The following TENM2 variants were observed in gnomAD, a reference collection of about 807,000 sequenced individuals.
TENM2 encodes the protein teneurin transmembrane protein 2.
TENM2 carries 52 observed loss-of-function variants against 245.2 expected under a neutral mutation model. That is an observed-to-expected ratio of 0.21 (90% CI 0.17 to 0.27). The LOEUF (loss-of-function observed/expected upper bound fraction) is 0.27, where lower values mean the gene tolerates loss of function less well. Among genes scored for constraint, TENM2 ranks in the 10% least tolerant of loss-of-function variants. The pLI, the probability that TENM2 is intolerant of heterozygous loss-of-function variation, is 1.00. For missense variants in TENM2, 3,046 were observed against 3,666.8 expected, an observed-to-expected ratio of 0.83 and a Z score of 4.37; for synonymous variants, 1,363 against 1,438.9, an observed-to-expected ratio of 0.95 and a Z score of 1.19.
chr5:167,791,431 A>ATT (rs1764954862), intron 2 of TENM2, among the ~76,000 whole-genome samples: 1 of 145,604 alleles, frequency 6.9e-6, no homozygotes, highest in Non-Finnish European at 1.5e-5. Context: ...ATAATATATT[A>ATT]TATATTTATA....
intron 3 of TENM2, among the ~76,000 whole-genome samples, chr5:167,932,697 A>G (rs554666565): frequency 6.6e-6 from 1 of 152,102 alleles, no homozygotes; most frequent in African/African-American, 2.4e-5. Context: ...TTTTTTTCCT[A>G]TGAAGATCCA....
chr5:168,210,989 G>A (rs1036523351), intron 19 of TENM2, among the ~76,000 whole-genome samples: 7 of 152,128 alleles, frequency 4.6e-5, no homozygotes, highest in Non-Finnish European at 5.9e-5. Context: ...ATGATAACTG[G>A]AGTCTTTGAC....
the TENM2 span, among the ~76,000 whole-genome samples, chr5:167,267,223 AAT>A: frequency 6.6e-6 from 1 of 152,120 alleles, no homozygotes; most frequent in Non-Finnish European, 1.5e-5. Flanking sequence ...TCTTCCCAGC[AAT>A]CCTGACCACT....
chr5:167,996,711 GA>G (rs1784075630), intron 5 of TENM2, among the ~76,000 whole-genome samples: 1 of 148,128 alleles, frequency 6.8e-6, no homozygotes, highest in African/African-American at 2.6e-5. Flanking sequence ...ATTTCCATTT[GA>G]ATCACTTTTT....
At chr5:167,848,507 A>G (rs1356890048) in intron 2 of TENM2, among the ~76,000 whole-genome samples, 3 of 152,210 alleles carry the variant, frequency 2.0e-5, no homozygotes, top group Admixed American at 6.5e-5. Flanking sequence ...ACATATATCT[A>G]TATGCCAAAT....
At chr5:167,684,678 G>T (rs966823811) in intron 2 of TENM2, among the ~76,000 whole-genome samples, 1 of 152,032 alleles carries the variant, frequency 6.6e-6, no homozygotes, top group Admixed American at 6.6e-5. Flanking sequence ...TCCTTCCATC[G>T]CCAGAAGTCT....
At chr5:167,605,923 G>A (rs188019215) in intron 2 of TENM2, among the ~76,000 whole-genome samples, 107 of 152,246 alleles carry the variant, frequency 7.0e-4, no homozygotes, top group Admixed American at 1.2e-3. Context: ...GGATAGAGCC[G>A]AGAGAAATTT....
intron 1 of TENM2, among the ~76,000 whole-genome samples, chr5:167,373,497 A>G (rs2127304573): frequency 6.6e-6 from 1 of 152,290 alleles, no homozygotes; most frequent in South Asian, 2.1e-4. Context: ...TCTTCACTGC[A>G]TTTTTTTCAT....
At chr5:167,146,549 C>T in the TENM2 span, among the ~76,000 whole-genome samples, 2 of 152,256 alleles carry the variant, frequency 1.3e-5, no homozygotes, top group South Asian at 4.1e-4. Context: ...GACTTGACCT[C>T]TCCCTATAAA....
chr5:167,282,803 G>A (rs1771132867), upstream of TENM2, among the ~76,000 whole-genome samples: 1 of 152,020 alleles, frequency 6.6e-6, no homozygotes, highest in Non-Finnish European at 1.5e-5. Flanking sequence ...GGGGATTTGG[G>A]CATCTAGTAA....
At chr5:168,001,382 A>G (rs966328071) in intron 5 of TENM2, among the ~76,000 whole-genome samples, 1 of 152,242 alleles carries the variant, frequency 6.6e-6, no homozygotes, top group Non-Finnish European at 1.5e-5. Context: ...CACTGATATT[A>G]CAAAAGTGTA....
chr5:167,185,728 T>C, the TENM2 span, among the ~76,000 whole-genome samples: 1 of 152,008 alleles, frequency 6.6e-6, no homozygotes, highest in East Asian at 1.9e-4. Flanking sequence ...TTTTTGGCTA[T>C]CATTATTTAG....
chr5:167,580,528 C>T (rs1212770991), intron 2 of TENM2, among the ~76,000 whole-genome samples: 1 of 152,220 alleles, frequency 6.6e-6, no homozygotes, highest in Non-Finnish European at 1.5e-5. Context: ...GACCCACACA[C>T]TGAAAGCCTC....
intron 5 of TENM2, among the ~76,000 whole-genome samples, chr5:168,037,115 CT>C (rs1311921149): frequency 1.3e-5 from 2 of 152,122 alleles, no homozygotes; most frequent in Non-Finnish European, 2.9e-5. Flanking sequence ...GTGAAATCCA[CT>C]TAACTTAAAA....
chr5:168,049,480 T>C (rs1788890441), intron 6 of TENM2, among the ~76,000 whole-genome samples: 1 of 152,204 alleles, frequency 6.6e-6, no homozygotes. Context: ...CCTTCATAAA[T>C]GGGAATTAGT....
chr5:168,223,616 G>T (rs776615069), intron 23 of TENM2, among the ~76,000 whole-genome samples: 1 of 151,796 alleles, frequency 6.6e-6, no homozygotes, highest in Non-Finnish European at 1.5e-5. Context: ...ACAGGCACAC[G>T]GCACTGCGCC....
At chr5:167,210,280 GCTT>G in the TENM2 span, among the ~76,000 whole-genome samples, 1 of 152,134 alleles carries the variant, frequency 6.6e-6, no homozygotes, top group South Asian at 2.1e-4. Context: ...ACCTTACTGT[GCTT>G]CTTTCCCATA....
intron 14 of TENM2, among the ~76,000 whole-genome samples, chr5:168,191,323 C>A (rs556958804): frequency 3.6e-4 from 55 of 152,204 alleles, no homozygotes; most frequent in Non-Finnish European, 6.3e-4. Flanking sequence ...ATCCCCTCCT[C>A]TTTTCTATGC....
intron 2 of TENM2, among the ~76,000 whole-genome samples, chr5:167,376,561 G>A (rs1371408751): frequency 1.3e-5 from 2 of 152,066 alleles, no homozygotes; most frequent in Non-Finnish European, 2.9e-5. Context: ...CATTTCCTGG[G>A]TAAGTCGCAC....
Sources: gnomAD v4.1 joint callset for allele counts (sites outside exome capture counted in the v4.1 genomes callset) on GRCh38, gnomAD v4.1.1 for gene constraint, MANE v1.5 for transcripts, NCBI Gene and HGNC (gene_info 2026-07-23, HGNC 2026-07-21) for gene names.